Variants in MED13L observed in about 807,000 individuals in gnomAD.
MED13L encodes the protein mediator of RNA polymerase II transcription subunit 13-like.
Under a neutral mutation model 220.9 loss-of-function variants are expected in MED13L, and 7 were observed. The ratio of observed to expected loss-of-function variants is 0.03; its 90% CI spans 0.02 to 0.06. The LOEUF is 0.06. Ranked by LOEUF, MED13L falls within the 10% of genes least tolerant of loss-of-function variation. MED13L has a pLI of 1.00. For missense variants in MED13L, 1,965 were observed against 2,760.5 expected (o/e 0.71, Z 6.46); for synonymous variants, 1,011 against 1,015.2 (o/e 1.00, Z 0.08).
chr12:116,253,077 C>T (rs970458001), intron 1 of MED13L, among the ~76,000 whole-genome samples: 2 of 151,602 alleles, frequency 1.3e-5, no homozygotes, highest in Admixed American at 6.6e-5. Flanking sequence ...GCCTGGCCAA[C>T]GTGGTGAAAC....
chr12:116,199,836 A>G (rs61935849), intron 2 of MED13L, among the ~76,000 whole-genome samples: 1 of 152,126 alleles, frequency 6.6e-6, no homozygotes, highest in East Asian at 1.9e-4. Context: ...ATCAATTACA[A>G]CTAATACCTT....
At chr12:116,276,492 C>T (rs1873845532) in intron 1 of MED13L, 1 of 1,287,622 alleles carries the variant, frequency 7.8e-7, no homozygotes, top group Non-Finnish European at 1.0e-6. Flanking sequence ...GAGAGGCAGG[C>T]GGCTGTCGAT....
chr12:116,092,006 C>T (rs1396383942), intron 4 of MED13L, among the ~76,000 whole-genome samples: 5 of 152,154 alleles, frequency 3.3e-5, no homozygotes, highest in African/African-American at 7.2e-5. Context: ...CTGTAACTCC[C>T]TCAGATAGAC....
chr12:116,196,739 C>G (rs1745272195), intron 2 of MED13L, among the ~76,000 whole-genome samples: 1 of 152,088 alleles, frequency 6.6e-6, no homozygotes, highest in South Asian at 2.1e-4. Flanking sequence ...AAAATTTTAA[C>G]TCTCTTTTTG....
chr12:116,219,891 G>A (rs1377219113), intron 2 of MED13L, among the ~76,000 whole-genome samples: 5 of 152,092 alleles, frequency 3.3e-5, no homozygotes, highest in South Asian at 2.1e-4. Context: ...TCTGCCTCCC[G>A]GGTTCAAGCA....
chr12:116,084,214 G>A (rs1163935313), intron 4 of MED13L, among the ~76,000 whole-genome samples: 3 of 152,148 alleles, frequency 2.0e-5, no homozygotes, highest in African/African-American at 7.2e-5. Flanking sequence ...GGGGAAAAGG[G>A]TGAGCCTTTC....
intron 2 of MED13L, among the ~76,000 whole-genome samples, chr12:116,146,787 G>A (rs1311984451): frequency 6.6e-6 from 1 of 151,870 alleles, no homozygotes; most frequent in East Asian, 1.9e-4. Context: ...AAAATTGCTT[G>A]AACCCAGGAG....
chr12:116,110,843 G>A (rs965573384), intron 3 of MED13L, among the ~76,000 whole-genome samples: 1 of 151,828 alleles, frequency 6.6e-6, no homozygotes, highest in African/African-American at 2.4e-5. Context: ...ATCTCAAACT[G>A]AAAGTCAATA....
intron 2 of MED13L, among the ~76,000 whole-genome samples, chr12:116,190,517 T>C (rs1320932429): frequency 1.3e-5 from 2 of 152,190 alleles, no homozygotes; most frequent in Non-Finnish European, 2.9e-5. Context: ...TTATGCAACA[T>C]ATGCCTTACA....
At chr12:116,184,850 T>C (rs900915784) in intron 2 of MED13L, among the ~76,000 whole-genome samples, 29 of 152,226 alleles carry the variant, frequency 1.9e-4, no homozygotes, top group African/African-American at 6.8e-4. Flanking sequence ...TATGGCTTAT[T>C]TGACAATCAC....
chr12:116,064,675 G>A (rs563692400), intron 4 of MED13L, among the ~76,000 whole-genome samples: 1 of 152,318 alleles, frequency 6.6e-6, no homozygotes, highest in South Asian at 2.1e-4. Flanking sequence ...AAACAAGGAA[G>A]ACTGCTTAAA....
chr12:116,022,645 G>C, intron 4 of MED13L, 44 bp from the exon 5 acceptor site: 1 of 1,586,660 alleles, frequency 6.3e-7, no homozygotes, highest in East Asian at 2.3e-5. Flanking sequence ...ATTTTGGTAG[G>C]AAAGGGTGCT....
intron 16 of MED13L, among the ~76,000 whole-genome samples, chr12:115,995,869 T>C (rs1161905652): frequency 6.6e-6 from 1 of 152,242 alleles, no homozygotes; most frequent in Non-Finnish European, 1.5e-5. Flanking sequence ...AGATCGGTTG[T>C]ATGGGTTCTC....
At chr12:116,201,012 A>C (rs1881977780) in intron 2 of MED13L, among the ~76,000 whole-genome samples, 1 of 152,200 alleles carries the variant, frequency 6.6e-6, no homozygotes, top group Non-Finnish European at 1.5e-5. Context: ...AAGATTACTT[A>C]GTAAATACCC....
intron 2 of MED13L, among the ~76,000 whole-genome samples, chr12:116,159,334 C>A (rs183380308): frequency 4.7e-4 from 71 of 152,288 alleles, no homozygotes; most frequent in African/African-American, 1.7e-3. Context: ...TATTTTAGAA[C>A]TGGCTGTCTG....
Position 115,983,450 on chromosome 12 carries a change from G to A in MED13L, c.4622C>T (p.Thr1541Met), listed in dbSNP as rs773553862. ...TPPAAAQGQA[T>M]PGNAGPLAPN... Reference sequence around the variant, plus strand: ...AGCTAAGGGCCCAGCATTCCCTGGCGTAGCTTGTCCCTGTGCTGCTGCTGG... The same window carrying A: ...AGCTAAGGGCCCAGCATTCCCTGGCATAGCTTGTCCCTGTGCTGCTGCTGG... The change falls in exon 21 of 31, where the codon ACG (threonine) becomes ATG (methionine). Residue 1541 changes from threonine (T) to methionine (M), a missense_variant. By Grantham distance (81) the Thr-to-Met change is moderately conservative (BLOSUM62 -1). This residue lies in a region of MED13L where 510 missense variants were observed against 620.4 expected (regional missense o/e 0.82). Transcript: ENST00000281928. 1.6e-5 allele frequency: 26 copies of A among 1,614,088 alleles called. No individual in the cohort carries two copies. The highest frequency in any genetic ancestry group is 2.7e-5 in the African/African-American group (2 of 74,938).
At chr12:116,068,813 C>A (rs1870149607) in intron 4 of MED13L, among the ~76,000 whole-genome samples, 1 of 142,752 alleles carries the variant, frequency 7.0e-6, no homozygotes, top group African/African-American at 2.6e-5. Context: ...TTGTTGTGTA[C>A]AACCATACAC....
chr12:116,181,833 G>A (rs1369995391), intron 2 of MED13L, among the ~76,000 whole-genome samples: 1 of 152,184 alleles, frequency 6.6e-6, no homozygotes, highest in African/African-American at 2.4e-5. Flanking sequence ...TAATGATTGT[G>A]AGCTGCAACA....
At chr12:115,981,694 A>T (rs1877340787) in intron 22 of MED13L, among the ~76,000 whole-genome samples, 1 of 152,232 alleles carries the variant, frequency 6.6e-6, no homozygotes, top group Non-Finnish European at 1.5e-5. Flanking sequence ...AACAGTAAAG[A>T]AGTGGAGATA....
Sources: gnomAD v4.1 joint callset for allele counts (sites outside exome capture counted in the v4.1 genomes callset) on GRCh38, gnomAD v4.1.1 for gene constraint, gnomAD v4.1.1 regional missense constraint, MANE v1.5 for transcripts, NCBI Gene and HGNC (gene_info 2026-07-23, HGNC 2026-07-21) for gene names.